The following TRAM2 variants were observed in gnomAD, a reference collection of about 807,000 sequenced individuals.
TRAM2 encodes translocating chain-associated membrane protein 2.
TRAM2 carries 12 observed loss-of-function variants against 51.0 expected under a neutral mutation model. The observed-to-expected ratio is 0.24, with a 90% confidence interval of 0.15 to 0.38. The LOEUF (loss-of-function observed/expected upper bound fraction) is 0.38. Ranked by LOEUF, TRAM2 falls within the 10% of genes least tolerant of loss-of-function variation. The pLI is 1.00. For missense variants in TRAM2, 361 were observed against 462.0 expected, an observed-to-expected ratio of 0.78 and a Z score of 2.00; for synonymous variants, 175 against 179.4, an observed-to-expected ratio of 0.98 and a Z score of 0.20.
chr6:52,515,933 A>T, intron 4 of TRAM2, 73 bp downstream of exon 4: 1 of 1,325,330 alleles, frequency 7.5e-7, no homozygotes, highest in Non-Finnish European at 1.1e-6. Context: ...CAGTCATTTG[A>T]TTAGCAATCC....
intron 1 of TRAM2, among the ~76,000 whole-genome samples, chr6:52,573,950 A>G (rs1767722149): frequency 6.6e-6 from 1 of 152,206 alleles, no homozygotes. Flanking sequence ...GGGAAGAATT[A>G]TAATTGAGTT....
At chr6:52,506,431 C>T (rs952920694) in intron 7 of TRAM2, among the ~76,000 whole-genome samples, 1 of 152,242 alleles carries the variant, frequency 6.6e-6, no homozygotes, top group Non-Finnish European at 1.5e-5. Flanking sequence ...ACCTTGCACT[C>T]ATCACCTAGG....
chr6:52,566,149 G>A (rs1365170029), intron 1 of TRAM2, among the ~76,000 whole-genome samples: 2 of 152,144 alleles, frequency 1.3e-5, no homozygotes, highest in East Asian at 1.9e-4. Flanking sequence ...AAGGTGAAAC[G>A]GAATGATATG....
At chr6:52,572,401 C>A (rs986113568) in intron 1 of TRAM2, among the ~76,000 whole-genome samples, 1 of 152,172 alleles carries the variant, frequency 6.6e-6, no homozygotes, top group African/African-American at 2.4e-5. Context: ...GTCAGGAGTT[C>A]AAGACCAGCC....
At chr6:52,543,175 T>TA (rs986454055) in intron 1 of TRAM2, among the ~76,000 whole-genome samples, 128 of 151,980 alleles carry the variant, frequency 8.4e-4, no homozygotes, top group African/African-American at 3.0e-3. Context: ...CATCCTCCCC[T>TA]AAAAAAAAGC....
At chr6:52,522,238 G>A (rs1205744494) in intron 2 of TRAM2, among the ~76,000 whole-genome samples, 1 of 152,204 alleles carries the variant, frequency 6.6e-6, no homozygotes, top group Non-Finnish European at 1.5e-5. Context: ...TGGCAGCCTC[G>A]ATGTCAGGAA....
intron 1 of TRAM2, among the ~76,000 whole-genome samples, chr6:52,563,366 T>C (rs972246463): frequency 3.3e-5 from 5 of 152,200 alleles, no homozygotes; most frequent in African/African-American, 1.2e-4. Context: ...ATCTTATTTA[T>C]AGCTTCTTGT....
At chr6:52,514,460 G>A (rs941192416) in intron 4 of TRAM2, among the ~76,000 whole-genome samples, 2 of 152,070 alleles carry the variant, frequency 1.3e-5, no homozygotes, top group African/African-American at 2.4e-5. Context: ...GTTGAGTGGG[G>A]AACTGGCTCT....
intron 4 of TRAM2, among the ~76,000 whole-genome samples, chr6:52,513,626 A>G (rs1562476804): frequency 6.6e-6 from 1 of 152,158 alleles, no homozygotes. Context: ...GGAGCCCTTG[A>G]GCAGAGAAAT....
chr6:52,508,172 G>A lies in TRAM2; in HGVS notation c.555+62C>T, dbSNP rs1360199245. 7 of 1,476,340 alleles carry A rather than the reference G, an allele frequency of 4.7e-6. No individual in the cohort carries two copies. In the South Asian group the frequency reaches 8.2e-5, roughly 17 times the overall value. The allele number at this position is 1,476,340 out of a possible 1,614,324, so 91.5% of individuals were successfully genotyped here. A position where few individuals can be genotyped will look rare whatever the true frequency, so the allele number is the denominator to read the frequency against. On this transcript the variant is annotated intron_variant, in intron 6 of 10. Coordinates refer to ENST00000182527, the MANE Select transcript of TRAM2 (RefSeq NM_012288.4). Reference sequence around the variant, plus strand: ...AGAAAAGGAAGGGAGGTACCCCTGGGAATAGCAGGAGGGGAGTGGTCAATG... The same window carrying A: ...AGAAAAGGAAGGGAGGTACCCCTGGAAATAGCAGGAGGGGAGTGGTCAATG...
Position 52,499,771 on chromosome 6 carries a change from TA to T in TRAM2, c.*3425del, listed in dbSNP as rs1481059297. ...TGGGGTTTCTTAAATGTTGGGAAGT[TA>T]TGCCTTGGGACATGAACAGACAAGT... On this transcript the variant is annotated 3_prime_UTR_variant, in exon 11 of 11. Coordinates refer to ENST00000182527, the MANE Select transcript of TRAM2 (RefSeq NM_012288.4). 1 of 152,178 alleles carries T rather than the reference TA, an allele frequency of 6.6e-6. No homozygotes were observed. Among genetic ancestry groups the T allele is most frequent in the Non-Finnish European group, 1.5e-5 (1 of 68,074 alleles). The allele number at this position is 152,178 out of a possible 1,614,324, so 9.4% of individuals were successfully genotyped here. A position where few individuals can be genotyped will look rare whatever the true frequency, so the allele number is the denominator to read the frequency against.
intron 10 of TRAM2, 57 bp from the exon 11 acceptor site, chr6:52,503,327 G>A: frequency 6.5e-7 from 1 of 1,529,238 alleles, no homozygotes; most frequent in South Asian, 1.1e-5. Context: ...TAAGGCAGAA[G>A]AGGGGAGGGT....
At chr6:52,562,160 G>A (rs981314331) in intron 1 of TRAM2, among the ~76,000 whole-genome samples, 12 of 152,016 alleles carry the variant, frequency 7.9e-5, no homozygotes, top group African/African-American at 1.9e-4. Flanking sequence ...TATGAGATCC[G>A]ACAGAATGTC....
At chr6:52,559,449 G>C (rs1767461238) in intron 1 of TRAM2, among the ~76,000 whole-genome samples, 1 of 152,174 alleles carries the variant, frequency 6.6e-6, no homozygotes, top group Non-Finnish European at 1.5e-5. Flanking sequence ...GCATTGATGA[G>C]CAACGAGAGT....
chr6:52,520,868 G>A (rs763064464), intron 2 of TRAM2, among the ~76,000 whole-genome samples: 3 of 152,032 alleles, frequency 2.0e-5, no homozygotes, highest in South Asian at 2.1e-4. Flanking sequence ...ATTCTGATTC[G>A]CACAAATTAT....
chr6:52,553,467 T>C (rs1767347031), intron 1 of TRAM2, among the ~76,000 whole-genome samples: 1 of 152,198 alleles, frequency 6.6e-6, no homozygotes, highest in African/African-American at 2.4e-5. Context: ...TGAATGTCCT[T>C]TCTTGCCTGC....
chr6:52,530,153 G>A (rs1418225560), intron 2 of TRAM2, among the ~76,000 whole-genome samples: 1 of 152,094 alleles, frequency 6.6e-6, no homozygotes, highest in Non-Finnish European at 1.5e-5. Flanking sequence ...AATTTAACTG[G>A]CAGTCCTGAA....
chr6:52,556,540 A>G (rs112852941), intron 1 of TRAM2, among the ~76,000 whole-genome samples: 12 of 151,152 alleles, frequency 7.9e-5, no homozygotes, highest in Non-Finnish European at 1.6e-4. Context: ...CCTTGCCCCC[A>G]CAGAGTGTTG....
chr6:52,527,827 CAT>C (rs1318093667), intron 2 of TRAM2, among the ~76,000 whole-genome samples: 3 of 152,160 alleles, frequency 2.0e-5, no homozygotes, highest in African/African-American at 4.8e-5. Flanking sequence ...GAGCTGAACA[CAT>C]GATTTGTCCA....
Sources: allele counts gnomAD v4.1 joint callset (sites outside exome capture counted in the v4.1 genomes callset), GRCh38; gene constraint gnomAD v4.1.1; transcripts MANE v1.5; gene names NCBI Gene and HGNC (gene_info 2026-07-23, HGNC 2026-07-21).